The following WDR72 variants were observed in gnomAD, a reference collection of about 807,000 sequenced individuals.
The protein encoded by WDR72 is WD repeat domain 72.
WDR72 carries 120 observed loss-of-function variants against 124.2 expected under a neutral mutation model. That is an observed-to-expected ratio of 0.97 (90% CI 0.83 to 1.12). The LOEUF (loss-of-function observed/expected upper bound fraction) is 1.12, where lower values mean the gene tolerates loss of function less well. Among genes scored for constraint, WDR72 ranks in the 50% most tolerant of loss-of-function variants. WDR72 has a pLI of 0.00. For missense variants in WDR72, 1,387 were observed against 1,278.8 expected (o/e 1.08, Z -1.29); for synonymous variants, 452 against 441.7 (o/e 1.02, Z -0.29).
At chr15:53,613,806 A>C in intron 15 of WDR72, 49 bp from the exon 16 acceptor site, 1 of 1,302,780 alleles carries the variant, frequency 7.7e-7, no homozygotes, top group Non-Finnish European at 1.1e-6. Flanking sequence ...ATGAAAAATT[A>C]TTTGAGGAAA....
Position 53,616,379 on chromosome 15 carries a change from T to C in WDR72, c.1963-136A>G, listed in dbSNP as rs146172346. ...GGCAAGTCATTTCAATTTTTTTGTC[T>C]TAGCTATAAAAATTCATTTCTAAAT... On this transcript the variant is annotated intron_variant, in intron 14 of 19. Transcript: ENST00000360509. 912 of 620,460 alleles carry C rather than the reference T, an allele frequency of 1.5e-3. 7 individuals are homozygous for C. In the African/African-American group the frequency reaches 0.016, roughly 11 times the overall value. 38.4% of individuals were successfully genotyped at this position (620,460 alleles called of 1,614,324 possible).
chr15:53,552,817 C>A lies in WDR72; in HGVS notation c.3149-29495G>T, dbSNP rs113197998. ...GAAGCAAATATTAACCAGTCAACAT[C>A]GAATGCCATTTGATTTCATCCCCTT... On this transcript the variant is annotated intron_variant, in intron 18 of 19. Coordinates refer to ENST00000360509, the MANE Select transcript of WDR72 (RefSeq NM_182758.4). Among the ~76,000 whole-genome samples, 80 of 152,206 alleles carry A rather than the reference C, an allele frequency of 5.3e-4. No individual in the cohort carries two copies. The Middle Eastern group carries it at 0.014, about 26-fold the overall frequency.
In WDR72 at chr15:53,716,538, G is replaced by A. The variant is rs1055686294; in HGVS notation, c.339+69C>T. 8 of 989,732 alleles carry A rather than the reference G, an allele frequency of 8.1e-6. No individual in the cohort carries two copies. In the African/African-American group the frequency reaches 1.3e-4, roughly 16 times the overall value. The allele number at this position is 989,732 out of a possible 1,614,324, so 61.3% of individuals were successfully genotyped here. ...ATTCTCCAAAGATGTTTCTTTAGAA[G>A]TGTATTTGCAAATGCCCTAAACAAG... is the stretch of plus-strand genomic sequence containing the variant. On this transcript the variant is annotated intron_variant, in intron 4 of 19. Transcript: ENST00000360509.
chr15:53,688,541 C>T (rs1015001707), intron 13 of WDR72, among the ~76,000 whole-genome samples: 2 of 152,082 alleles, frequency 1.3e-5, no homozygotes, highest in Non-Finnish European at 2.9e-5. Flanking sequence ...GAACTACAAA[C>T]CACTGCTCGA....
At position 53,722,825 on chromosome 15, in the gene WDR72, G is replaced by T. The variant is rs755286091; in HGVS notation, c.237C>A (p.Tyr79Ter). The T allele has an allele frequency of 1.2e-6, 2 of 1,612,996 alleles. No homozygotes were observed. The highest frequency in any genetic ancestry group is 2.7e-5 in the African/African-American group (2 of 74,024). Residue 79 changes from tyrosine to a stop codon, truncating the protein, a stop_gained, in exon 3 of 20, where the codon TAC becomes TAA. Transcript: ENST00000360509. LOFTEE classifies it high-confidence loss of function. ...ACCCATTTTCAGCAGCACTAACAAT[G>T]TAGGGCTGTTTAGAGAAGTCCCTTG... is the stretch of plus-strand genomic sequence containing the variant. ...ARARDFSKQP[Y>*]IVSAAENGEM...
At chr15:53,737,043 A>ACACT (rs2018377546) in intron 1 of WDR72, among the ~76,000 whole-genome samples, 1 of 137,644 alleles carries the variant, frequency 7.3e-6, no homozygotes, top group South Asian at 2.3e-4. Context: ...ACACACACAC[A>ACACT]CAGACTTGCC....
chr15:53,742,580 A>AT (rs2018538178), intron 1 of WDR72, among the ~76,000 whole-genome samples: 1 of 152,218 alleles, frequency 6.6e-6, no homozygotes, highest in African/African-American at 2.4e-5. Flanking sequence ...TTCAAAATAA[A>AT]TACTTTCACT....
chr15:53,759,818 C>A (rs1174284372), upstream of WDR72, among the ~76,000 whole-genome samples: 4 of 151,558 alleles, frequency 2.6e-5, no homozygotes, highest in Non-Finnish European at 5.9e-5. Flanking sequence ...CTCTCCCTTC[C>A]TGCAACCTGG....
intron 18 of WDR72, chr15:53,541,166 C>T (rs551707355): frequency 6.5e-6 from 1 of 153,362 alleles, no homozygotes; most frequent in Admixed American, 6.5e-5. Flanking sequence ...CTGCCTGCCT[C>T]TGTAGGCTCC....
At chr15:53,528,835 G>A (rs558115211) in intron 18 of WDR72, among the ~76,000 whole-genome samples, 21 of 151,958 alleles carry the variant, frequency 1.4e-4, no homozygotes, top group Non-Finnish European at 2.2e-4. Flanking sequence ...TTTAAACATT[G>A]CTGTATTCCT....
At chr15:53,536,879 G>A (rs371363706) in intron 18 of WDR72, among the ~76,000 whole-genome samples, 1 of 152,184 alleles carries the variant, frequency 6.6e-6, no homozygotes, top group Non-Finnish European at 1.5e-5. Flanking sequence ...ACATGATCCT[G>A]TTGTCTGTCT....
intron 18 of WDR72, among the ~76,000 whole-genome samples, chr15:53,560,015 A>G (rs1894073177): frequency 6.6e-6 from 1 of 152,020 alleles, no homozygotes; most frequent in Non-Finnish European, 1.5e-5. Context: ...CCAGTGTTAA[A>G]GAGACAGTTT....
At chr15:53,649,352 AT>A (rs2015152364) in intron 14 of WDR72, among the ~76,000 whole-genome samples, 1 of 152,208 alleles carries the variant, frequency 6.6e-6, no homozygotes, top group East Asian at 1.9e-4. Context: ...CCCCTGGCTT[AT>A]TCTAAATTAA....
chr15:53,609,325 C>T (rs539542215), intron 17 of WDR72, among the ~76,000 whole-genome samples, 188 bp downstream of exon 17: 2 of 152,220 alleles, frequency 1.3e-5, no homozygotes, highest in East Asian at 3.9e-4. Context: ...GGCATTCACG[C>T]TCCCCTAGTG....
chr15:53,590,639 T>C (rs1174447391), intron 18 of WDR72, among the ~76,000 whole-genome samples: 2 of 152,026 alleles, frequency 1.3e-5, no homozygotes, highest in Non-Finnish European at 2.9e-5. Context: ...AATACGGTGA[T>C]GAAGATCTCA....
chr15:53,707,819 GT>G (rs1309803516), intron 9 of WDR72, among the ~76,000 whole-genome samples: 1 of 152,160 alleles, frequency 6.6e-6, no homozygotes, highest in African/African-American at 2.4e-5. Flanking sequence ...TTGAAATGGT[GT>G]TGATAACATT....
chr15:53,678,802 G>A (rs1473737489), intron 13 of WDR72, among the ~76,000 whole-genome samples: 1 of 152,076 alleles, frequency 6.6e-6, no homozygotes, highest in African/African-American at 2.4e-5. Flanking sequence ...GTTGACTTCT[G>A]GGTATATACC....
chr15:53,645,806 T>C (rs1595816676), intron 14 of WDR72, among the ~76,000 whole-genome samples: 1 of 152,192 alleles, frequency 6.6e-6, no homozygotes, highest in East Asian at 1.9e-4. Flanking sequence ...TAGTATGTCA[T>C]ACATGGTTAT....
rs373600611 is a variant in WDR72 at position 53,623,141 on chromosome 15, T to C, written c.1963-6898A>G. Among the ~76,000 whole-genome samples the C allele has an allele frequency of 3.9e-5, 6 of 152,266 alleles. 1 individual carries two copies. Among genetic ancestry groups the C allele is most frequent in the African/African-American group, 1.4e-4 (6 of 41,560 alleles). ...GATTTCTTAATTAACTAACTCTTTT[T>C]TTTCAACTTTTATTTTAGATTCAGG... is the stretch of plus-strand genomic sequence containing the variant. On this transcript the variant is annotated intron_variant, in intron 14 of 19. Transcript: ENST00000360509.
Sources: gnomAD v4.1 joint callset for allele counts (sites outside exome capture counted in the v4.1 genomes callset) on GRCh38, gnomAD v4.1.1 for gene constraint, MANE v1.5 for transcripts, NCBI Gene and HGNC (gene_info 2026-07-23, HGNC 2026-07-21) for gene names.